The following SMTN variants were observed in gnomAD, a reference collection of about 807,000 sequenced individuals.
SMTN encodes smoothelin.
Under a neutral mutation model 102.0 loss-of-function variants are expected in SMTN, and 58 were observed. That is an observed-to-expected ratio of 0.57 (90% CI 0.46 to 0.71). The LOEUF (loss-of-function observed/expected upper bound fraction) is 0.71. Ranked by LOEUF, SMTN falls within the 30% of genes least tolerant of loss-of-function variation. The pLI, the probability that SMTN is intolerant of heterozygous loss-of-function variation, is 0.00. For missense variants in SMTN, 1,185 were observed against 1,241.7 expected, an observed-to-expected ratio of 0.95 and a Z score of 0.69; for synonymous variants, 478 against 497.9, an observed-to-expected ratio of 0.96 and a Z score of 0.53.
chr22:31,096,834 C>A lies in SMTN; in HGVS notation c.1963C>A (p.Gln655Lys). 1 of 1,575,250 alleles carries A rather than the reference C, an allele frequency of 6.3e-7. No individual in the cohort carries two copies. Among genetic ancestry groups the A allele is most frequent in the Non-Finnish European group, 8.6e-7 (1 of 1,157,838 alleles). ...TATETTTRHSQRAADGSAVST... is the reference protein window; with the variant it reads ...TATETTTRHSKRAADGSAVST... The stretch of plus-strand genomic sequence containing the variant: ...CACTGAGACCACCACGAGGCACAGC[C>A]AGCGGGCAGCTGATGGCTCTGCTGT... The change falls in exon 14 of 21, where the codon CAG becomes AAG. Residue 655 changes from glutamine to lysine, a missense_variant. Physicochemically the swap from Gln to Lys is moderately conservative, Grantham distance 53. Coordinates refer to ENST00000333137, the MANE Select transcript of SMTN (RefSeq NM_134269.3).
At chr22:31,103,534 G>A (rs942178520) in intron 20 of SMTN, 1 of 152,290 alleles carries the variant, frequency 6.6e-6, no homozygotes, top group Admixed American at 6.5e-5. Flanking sequence ...ACTAAGCCAT[G>A]GGGCTTGAAA....
chr22:31,075,410 G>C (rs1362365330), intron 1 of SMTN, among the ~76,000 whole-genome samples: 1 of 152,086 alleles, frequency 6.6e-6, no homozygotes, highest in Non-Finnish European at 1.5e-5. Context: ...GTCTTAGCCC[G>C]GCCAGGCGCG....
intron 1 of SMTN, chr22:31,082,773 C>A: frequency 2.4e-6 from 3 of 1,268,794 alleles, no homozygotes; most frequent in South Asian, 1.5e-5. Flanking sequence ...TGGGTGGGGG[C>A]TGGGTAGGCC....
chr22:31,089,335 G>A (rs1258879121), intron 6 of SMTN, among the ~76,000 whole-genome samples: 5 of 152,156 alleles, frequency 3.3e-5, no homozygotes, highest in Non-Finnish European at 7.4e-5. Context: ...CCACGGTCCT[G>A]GCAGGACCCC....
Position 31,104,349 on chromosome 22 carries a change from G to A in SMTN, c.*54G>A, listed in dbSNP as rs764473946. On this transcript the variant is annotated 3_prime_UTR_variant, in exon 21 of 21. Transcript: ENST00000333137. ...TGGACTGTGTGCCCCTGGTGGAGGT[G>A]GACGACATGATGATCATGGGCAAGA... 6.2e-6 allele frequency: 10 copies of A among 1,614,206 alleles called. No individual in the cohort carries two copies. Among genetic ancestry groups the A allele is most frequent in the Non-Finnish European group, 8.5e-6 (10 of 1,180,034 alleles).
intron 2 of SMTN, among the ~76,000 whole-genome samples, chr22:31,085,698 C>T (rs1047622866): frequency 3.2e-4 from 48 of 152,176 alleles, no homozygotes; most frequent in African/African-American, 1.1e-3. Context: ...GGGGCCTGGG[C>T]GGGTGGAACT....
In SMTN at chr22:31,104,510, ACT is replaced by A; in HGVS notation, c.*219_*220del. 1 of 1,596,690 alleles carries A rather than the reference ACT, an allele frequency of 6.3e-7. No individual in the cohort carries two copies. The stretch of plus-strand genomic sequence containing the variant: ...CAGCCAGTGGCAAGCTGCCGCCCCC[ACT>A]CTCCGGGCACCGTCTCCTGCCTGTG... On this transcript the variant is annotated 3_prime_UTR_variant, in exon 21 of 21. Coordinates refer to ENST00000333137, the MANE Select transcript of SMTN (RefSeq NM_134269.3).
At chr22:31,077,121 G>A (rs1353367428), upstream of SMTN, among the ~76,000 whole-genome samples, 1 of 152,182 alleles carries the variant, frequency 6.6e-6, no homozygotes, top group Non-Finnish European at 1.5e-5. Flanking sequence ...AAGAACAAAT[G>A]TTCTGGCCGG....
chr22:31,076,969 GT>G (rs1031220062), upstream of SMTN, among the ~76,000 whole-genome samples: 1 of 152,168 alleles, frequency 6.6e-6, no homozygotes, highest in African/African-American at 2.4e-5. Flanking sequence ...TCTTGTTACA[GT>G]TTTTTGCCCT....
Position 31,097,038 on chromosome 22 carries a change from G to A in SMTN, c.2067G>A (p.Ser689=), listed in dbSNP as rs757882334. Residue 689 remains serine (S), a synonymous_variant, in exon 15 of 21, where the codon TCG becomes TCA. Coordinates refer to ENST00000333137, the MANE Select transcript of SMTN (RefSeq NM_134269.3). ...TRTARTTTVE[S]SFVRRSENGS... Reference sequence around the variant, plus strand: ...CGGCCCGCACCACCACAGTGGAGTCGAGTTTCGTGAGGCGCTCGGAGAGTA... The same window carrying A: ...CGGCCCGCACCACCACAGTGGAGTCAAGTTTCGTGAGGCGCTCGGAGAGTA... 3.7e-6 allele frequency: 6 copies of A among 1,614,126 alleles called. No homozygotes were observed. The highest frequency in any genetic ancestry group is 1.1e-5 in the South Asian group (1 of 91,088).
At chr22:31,078,473 G>C (rs2042182207), upstream of SMTN, among the ~76,000 whole-genome samples, 2 of 152,230 alleles carry the variant, frequency 1.3e-5, no homozygotes, top group Non-Finnish European at 1.5e-5. Context: ...AGGAAGGCTT[G>C]AAGCAGACCA....
At chr22:31,091,887 GCCTCACATACA>G in intron 11 of SMTN, 40 bp downstream of exon 11, 1 of 1,506,368 alleles carries the variant, frequency 6.6e-7, no homozygotes, top group Non-Finnish European at 9.0e-7. Context: ...CCATCCGTCA[GCCTCACATACA>G]CTGCTTCAGG....
chr22:31,083,206 C>G lies in SMTN; in HGVS notation c.-53C>G. ...TTCTCTGAGCTGGTGACAGGTGCCA[C>G]AGGCACTGGGGATCTCACCAGAAAG... On this transcript the variant is annotated 5_prime_UTR_variant, in exon 2 of 21. Transcript: ENST00000333137. 1 of 1,586,670 alleles carries G rather than the reference C, an allele frequency of 6.3e-7. No homozygotes were observed. The highest frequency in any genetic ancestry group is 8.6e-7 in the Non-Finnish European group (1 of 1,168,378).
At position 31,083,575 on chromosome 22, in the gene SMTN, C is replaced by G. The variant is rs1430843424; in HGVS notation, c.51+266C>G. 8.4e-6 allele frequency: 3 copies of G among 359,186 alleles called. No individual in the cohort carries two copies. In the Admixed American group the frequency reaches 1.3e-4, roughly 16 times the overall value. The allele number at this position is 359,186 out of a possible 1,614,324, so 22.2% of individuals were successfully genotyped here. ...AAACAGTAACTGCTGTAGACTCGCCCGTATGCAGCCACAGGTGTGGGGAGG... is the reference window on the plus strand; with the variant it reads ...AAACAGTAACTGCTGTAGACTCGCCGGTATGCAGCCACAGGTGTGGGGAGG... On this transcript the variant is annotated intron_variant, in intron 2 of 20. Coordinates refer to ENST00000333137, the MANE Select transcript of SMTN (RefSeq NM_134269.3).
At chr22:31,100,529 C>T (rs1394197808) in intron 19 of SMTN, among the ~76,000 whole-genome samples, 1 of 151,900 alleles carries the variant, frequency 6.6e-6, no homozygotes, top group Non-Finnish European at 1.5e-5. Context: ...CTCCCCGGGG[C>T]ACAGCCCTCC....
At chr22:31,079,471 C>T (rs762940675), upstream of SMTN, among the ~76,000 whole-genome samples, 2 of 152,236 alleles carry the variant, frequency 1.3e-5, no homozygotes, top group Non-Finnish European at 2.9e-5. Flanking sequence ...GAAAGGAGGG[C>T]ATTAGCACAA....
intron 1 of SMTN, among the ~76,000 whole-genome samples, chr22:31,075,256 G>A (rs2042100571): frequency 6.6e-6 from 1 of 152,132 alleles, no homozygotes; most frequent in Non-Finnish European, 1.5e-5. Context: ...GTCTCATAAT[G>A]CCATGGGGAA....
Position 31,088,541 on chromosome 22 carries a change from G to C in SMTN, c.229G>C (p.Ala77Pro). ...TCAGCAGCGGGAAGCTGAGCAGCGG[G>C]CTGCCCTGGCACGGCTGGCAGGGCA... is the stretch of plus-strand genomic sequence containing the variant. ...HSQQREAEQR[A>P]ALARLAGQLE... is the part of the protein sequence containing the mutation. The change falls in exon 4 of 21, where the codon GCT becomes CCT. Residue 77 changes from alanine to proline, a missense_variant. Ala to Pro is a conservative substitution (Grantham distance 27). Coordinates refer to ENST00000333137, the MANE Select transcript of SMTN (RefSeq NM_134269.3). 1.2e-6 allele frequency: 2 copies of C among 1,613,756 alleles called. No homozygotes were observed. The highest frequency in any genetic ancestry group is 1.7e-6 in the Non-Finnish European group (2 of 1,179,928).
At chr22:31,088,481 C>T (rs373831532) in intron 3 of SMTN, 32 bp from the exon 4 acceptor site, 13 of 1,585,270 alleles carry the variant, frequency 8.2e-6, no homozygotes, top group Non-Finnish European at 1.7e-6. Context: ...CTGGCCATGG[C>T]AGTGGTGGTT....
Sources: allele counts gnomAD v4.1 joint callset (sites outside exome capture counted in the v4.1 genomes callset), GRCh38; gene constraint gnomAD v4.1.1; transcripts MANE v1.5; gene names NCBI Gene and HGNC (gene_info 2026-07-23, HGNC 2026-07-21).